Variants in DNM1 observed in about 807,000 individuals in gnomAD.
The protein encoded by DNM1 is dynamin 1.
DNM1 carries 29 observed loss-of-function variants against 104.6 expected under a neutral mutation model. That is an observed-to-expected ratio of 0.28 (90% CI 0.21 to 0.38). DNM1 has a LOEUF of 0.38. DNM1 is among the 10% of genes least tolerant of loss of function. The probability of loss-of-function intolerance (pLI) is 1.00; values close to 1 mark genes in which losing one functional copy is unlikely to be tolerated. For synonymous variants in DNM1, 445 were observed against 475.8 expected (o/e 0.94, Z 0.84); for missense variants, 640 against 1,189.4 (o/e 0.54, Z 6.79).
chr9:128,220,393 T>C lies in DNM1; in HGVS notation c.849+52T>C. 1 of 1,598,258 alleles carries C rather than the reference T, an allele frequency of 6.3e-7. No individual in the cohort carries two copies. ...TGGGGAAACAAGCATGAAAACAGGA[T>C]AAATTAAGTGTGTTCTGAGAGTGAA... On this transcript the variant is annotated intron_variant, in intron 6 of 21. Coordinates refer to ENST00000372923, the MANE Select transcript of DNM1 (RefSeq NM_004408.4). This position sits in a 1 kb window ranked among gnomAD's most constrained non-coding sequence, Gnocchi z 5.2.
rs754891818 is a variant in DNM1, at chr9:128,222,636, C to T, written c.1128+40C>T. 10 of 1,609,814 alleles carry T rather than the reference C, an allele frequency of 6.2e-6. No homozygotes were observed. Among genetic ancestry groups the T allele is most frequent in the South Asian group, 3.3e-5 (3 of 90,864 alleles). On this transcript the variant is annotated intron_variant, in intron 8 of 21. Transcript: ENST00000372923. This position sits in a 1 kb window ranked among gnomAD's most constrained non-coding sequence, Gnocchi z 7.8. ...CCTGGGGACAGGATGGCTCAGGACT[C>T]CCCCCACCCTCACTCAGGACTCTCT...
Position 128,218,448 on chromosome 9 carries a change from C to T in DNM1, c.236-134C>T. The stretch of plus-strand genomic sequence containing the variant: ...CTTAGGGATAGCGGGGATCAAAATA[C>T]ATAATGGAGACGTGGGTGGTGGTTC... On this transcript the variant is annotated intron_variant, in intron 2 of 21. Transcript: ENST00000372923. The surrounding 1 kb of genome is among the most constrained non-coding windows in gnomAD (Gnocchi z 4.8). 2.9e-6 allele frequency: 4 copies of T among 1,403,236 alleles called. No individual in the cohort carries two copies. The highest frequency in any genetic ancestry group is 4.0e-6 in the Non-Finnish European group (4 of 996,376). 86.9% of individuals were successfully genotyped at this position (1,403,236 alleles called of 1,614,324 possible). A position where few individuals can be genotyped will look rare whatever the true frequency, so the allele number is the denominator to read the frequency against.
chr9:128,218,739 C>T lies in DNM1; in HGVS notation c.385+8C>T, dbSNP rs760372346. The T allele has an allele frequency of 1.3e-5, 20 of 1,593,838 alleles. No homozygotes were observed. The highest frequency in any genetic ancestry group is 1.6e-5 in the Non-Finnish European group (19 of 1,166,322). On this transcript the variant is annotated splice_region_variant and intron_variant, in intron 3 of 21. Coordinates refer to ENST00000372923, the MANE Select transcript of DNM1 (RefSeq NM_004408.4). The surrounding 1 kb of genome is among the most constrained non-coding windows in gnomAD (Gnocchi z 4.8). The stretch of plus-strand genomic sequence containing the variant: ...GCGTCTACTCGCCGCACGGTGAGGA[C>T]CCTGGCCCCGCCCTAACCTCTAAGA...
At position 128,203,407 on chromosome 9, in the gene DNM1, G is replaced by A. The variant is rs1048713864; in HGVS notation, c.-64G>A. On this transcript the variant is annotated 5_prime_UTR_variant, in exon 1 of 22. Coordinates refer to ENST00000372923, the MANE Select transcript of DNM1 (RefSeq NM_004408.4). The surrounding 1 kb of genome is among the most constrained non-coding windows in gnomAD (Gnocchi z 5.3). ...CTGGGCGCGCGGCTGCAGCGGCGGA[G>A]CCGGAGTCGGAGCCGGGAGCGCTAG... The A allele has an allele frequency of 9.3e-4, 1,255 of 1,348,680 alleles. 1 individual carries two copies. The highest frequency in any genetic ancestry group is 1.1e-3 in the Non-Finnish European group (1,151 of 1,048,606). The allele number at this position is 1,348,680 out of a possible 1,614,324, so 83.5% of individuals were successfully genotyped here. A position where few individuals can be genotyped will look rare whatever the true frequency, so the allele number is the denominator to read the frequency against.
At chr9:128,252,958 G>A (rs1829618340) in intron 21 of DNM1, 1 of 771,840 alleles carries the variant, frequency 1.3e-6, no homozygotes, top group Admixed American at 1.9e-5. Flanking sequence ...TTGTGGGCAT[G>A]TGTGTTAGCG....
At chr9:128,217,870 T>C (rs184764358) in intron 1 of DNM1, among the ~76,000 whole-genome samples, 4 of 152,214 alleles carry the variant, frequency 2.6e-5, no homozygotes, top group East Asian at 1.9e-4. Context: ...TCTGTGGGCA[T>C]TGGACACATA....
intron 15 of DNM1, among the ~76,000 whole-genome samples, chr9:128,244,445 A>G (rs1036544975): frequency 6.6e-6 from 1 of 151,752 alleles, no homozygotes; most frequent in Non-Finnish European, 1.5e-5. Context: ...GTACTTCTCT[A>G]CTCAACCACC....
In DNM1 at chr9:128,254,752, GC is replaced by G. The variant is rs1829752813; in HGVS notation, c.*40del. 1 of 1,578,490 alleles carries G rather than the reference GC, an allele frequency of 6.3e-7. No homozygotes were observed. Among genetic ancestry groups the G allele is most frequent in the African/African-American group, 1.3e-5 (1 of 74,344 alleles). ...TCTTCTCGGAGACCTCCCTTTCCAA[GC>G]CTGCCTGGACGGCTGTTCTGTGACT... On this transcript the variant is annotated 3_prime_UTR_variant, in exon 22 of 22. Transcript: ENST00000372923. This position sits in a 1 kb window ranked among gnomAD's most constrained non-coding sequence, Gnocchi z 6.1.
chr9:128,254,382 G>T lies in DNM1; in HGVS notation c.2535-272G>T. Reference sequence around the variant, plus strand: ...ATTGCGGGTGCCCTGCCTGGGTGCCGTGTGAGAGGCCAGCGTGTGTGGGGT... The same window carrying T: ...ATTGCGGGTGCCCTGCCTGGGTGCCTTGTGAGAGGCCAGCGTGTGTGGGGT... On this transcript the variant is annotated intron_variant, in intron 21 of 21. Transcript: ENST00000372923. The surrounding 1 kb of genome is among the most constrained non-coding windows in gnomAD (Gnocchi z 6.1). 4 of 1,407,638 alleles carry T rather than the reference G, an allele frequency of 2.8e-6. No individual in the cohort carries two copies. The highest frequency in any genetic ancestry group is 1.6e-5 in the South Asian group (1 of 62,118). The allele number at this position is 1,407,638 out of a possible 1,614,324, so 87.2% of individuals were successfully genotyped here. A position where few individuals can be genotyped will look rare whatever the true frequency, so the allele number is the denominator to read the frequency against.
In DNM1 at chr9:128,233,849, C is replaced by T. The variant is rs145454202; in HGVS notation, c.1336-172C>T. The T allele has an allele frequency of 7.0e-4, 429 of 613,966 alleles. 1 individual carries two copies. The highest frequency in any genetic ancestry group is 6.8e-4 in the Non-Finnish European group (235 of 343,814). The allele number at this position is 613,966 out of a possible 1,614,324, so 38.0% of individuals were successfully genotyped here. On this transcript the variant is annotated intron_variant, in intron 10 of 21. Coordinates refer to ENST00000372923, the MANE Select transcript of DNM1 (RefSeq NM_004408.4). Reference sequence around the variant, plus strand: ...CCCACACTTGGGGGAAAGGGGTGGCCGTGGCTTGGTGCCATCAGCGTCCTG... The same window carrying T: ...CCCACACTTGGGGGAAAGGGGTGGCTGTGGCTTGGTGCCATCAGCGTCCTG...
chr9:128,228,340 G>A (rs951314125), intron 10 of DNM1, among the ~76,000 whole-genome samples: 1 of 151,688 alleles, frequency 6.6e-6, no homozygotes, highest in East Asian at 1.9e-4. Flanking sequence ...ACCCCTCCTG[G>A]CCTAATAATT....
In DNM1 at chr9:128,243,643, G is replaced by A. The variant is rs540048889; in HGVS notation, c.1671+1298G>A. 1.6e-4 allele frequency among the ~76,000 whole-genome samples: 24 copies of A among 152,292 alleles called. No homozygotes were observed. The East Asian group carries it at 4.3e-3, about 27-fold the overall frequency. On this transcript the variant is annotated intron_variant, in intron 15 of 21. Coordinates refer to ENST00000372923, the MANE Select transcript of DNM1 (RefSeq NM_004408.4). This position sits in a 1 kb window ranked among gnomAD's most constrained non-coding sequence, Gnocchi z 4.0. The stretch of plus-strand genomic sequence containing the variant: ...TGCGGGTGGGGGGTGGCTTCCTGCC[G>A]GTCTCTCTGCAGGCTCCCTAGATGC...
rs544873139 is a variant in DNM1, at chr9:128,224,462, A to G, written c.1335+73A>G. 9 of 1,467,184 alleles carry G rather than the reference A, an allele frequency of 6.1e-6. No individual in the cohort carries two copies. In the East Asian group the frequency reaches 2.1e-4, roughly 34 times the overall value. The allele number at this position is 1,467,184 out of a possible 1,614,324, so 90.9% of individuals were successfully genotyped here. ...CACTGCTGCCAGGCGCTCCTTCCCC[A>G]TGTCCCCCCCTGCCTCCTCGGTAGC... On this transcript the variant is annotated intron_variant, in intron 10 of 21. Transcript: ENST00000372923. This position sits in a 1 kb window ranked among gnomAD's most constrained non-coding sequence, Gnocchi z 4.3.
intron 4 of DNM1, 150 bp downstream of exon 4, chr9:128,219,402 C>T: frequency 2.8e-6 from 2 of 726,022 alleles, no homozygotes; most frequent in Non-Finnish European, 4.5e-6. Context: ...GGCATGGTAG[C>T]TCATGCCTGT....
intron 21 of DNM1, chr9:128,252,639 G>A: frequency 2.4e-6 from 1 of 420,460 alleles, no homozygotes; most frequent in Admixed American, 2.6e-5. Flanking sequence ...ACTTGTTGGG[G>A]CTCAATGCTG....
Position 128,248,482 on chromosome 9 carries a change from C to G in DNM1, c.1906-101C>G. The G allele has an allele frequency of 5.6e-6, 8 of 1,416,342 alleles. No homozygotes were observed. In the South Asian group the frequency reaches 1.0e-4, roughly 19 times the overall value. 87.7% of individuals were successfully genotyped at this position (1,416,342 alleles called of 1,614,324 possible). A position where few individuals can be genotyped will look rare whatever the true frequency, so the allele number is the denominator to read the frequency against. On this transcript the variant is annotated intron_variant, in intron 18 of 21. Coordinates refer to ENST00000372923, the MANE Select transcript of DNM1 (RefSeq NM_004408.4). The surrounding 1 kb of genome is among the most constrained non-coding windows in gnomAD (Gnocchi z 5.6). ...TCAGGCCAGTCGCTTCTCTCTGTGC[C>G]TCAATATTCTGGGTACCCTTGGAGG... is the stretch of plus-strand genomic sequence containing the variant.
At position 128,247,621 on chromosome 9, in the gene DNM1, C is replaced by T; in HGVS notation, c.1893+135C>T. 2 of 776,838 alleles carry T rather than the reference C, an allele frequency of 2.6e-6. No individual in the cohort carries two copies. Among genetic ancestry groups the T allele is most frequent in the Non-Finnish European group, 4.2e-6 (2 of 475,284 alleles). The allele number at this position is 776,838 out of a possible 1,614,324, so 48.1% of individuals were successfully genotyped here. A position where few individuals can be genotyped will look rare whatever the true frequency, so the allele number is the denominator to read the frequency against. On this transcript the variant is annotated intron_variant, in intron 17 of 21. Transcript: ENST00000372923. This position sits in a 1 kb window ranked among gnomAD's most constrained non-coding sequence, Gnocchi z 5.1. ...GAAATAATAGGAATCCTCCCCCCTACCCACTCTGGGGGTGGGAACAGAGAT... is the reference window on the plus strand; with the variant it reads ...GAAATAATAGGAATCCTCCCCCCTATCCACTCTGGGGGTGGGAACAGAGAT...
In DNM1 at chr9:128,220,726, A is replaced by AGCGCGCGCGCGCGCGC. The variant is rs747195864; in HGVS notation, c.849+386_849+387insCGCGCGCGCGCGCGCG. ...TCTGGAATGGGGCATCCAGAACTGAAGTGCGCGCGCGCGCGCGTGTGTGTG... is the reference window on the plus strand; with the variant it reads ...TCTGGAATGGGGCATCCAGAACTGAAGCGCGCGCGCGCGCGCGTGCGCGCGCGCGCGCGTGTGTGTG... On this transcript the variant is annotated intron_variant, in intron 6 of 21. Coordinates refer to ENST00000372923, the MANE Select transcript of DNM1 (RefSeq NM_004408.4). This position sits in a 1 kb window ranked among gnomAD's most constrained non-coding sequence, Gnocchi z 5.2. Among the ~76,000 whole-genome samples the AGCGCGCGCGCGCGCGC allele has an allele frequency of 5.2e-5, 7 of 133,392 alleles. No homozygotes were observed. Among genetic ancestry groups the AGCGCGCGCGCGCGCGC allele is most frequent in the Non-Finnish European group, 1.1e-4 (7 of 61,210 alleles). The allele number at this position is 133,392 out of a possible 152,430, so 87.5% of individuals were successfully genotyped here.
intron 1 of DNM1, among the ~76,000 whole-genome samples, chr9:128,213,586 G>A (rs1453745765): frequency 6.6e-6 from 1 of 152,160 alleles, no homozygotes; most frequent in Non-Finnish European, 1.5e-5. Context: ...AAAGATTGCT[G>A]TGGAGAGAGC....
Sources: allele counts gnomAD v4.1 joint callset (sites outside exome capture counted in the v4.1 genomes callset), GRCh38; gene constraint gnomAD v4.1.1; non-coding constraint Gnocchi (gnomAD v3.1); transcripts MANE v1.5; gene names NCBI Gene and HGNC (gene_info 2026-07-23, HGNC 2026-07-21).